The following FAM171A2 variants were observed in gnomAD, a reference collection of about 807,000 sequenced individuals.
FAM171A2 encodes the protein family with sequence similarity 171 member A2.
A neutral mutation model predicts 34.2 loss-of-function variants in FAM171A2; 13 were observed. The observed-to-expected ratio is 0.38, with a 90% CI of 0.25 to 0.60. The LOEUF (loss-of-function observed/expected upper bound fraction) is 0.60. Among genes scored for constraint, FAM171A2 ranks in the 20% least tolerant of loss-of-function variants. The probability of loss-of-function intolerance (pLI) is 0.62; values close to 1 mark genes in which losing one functional copy is unlikely to be tolerated. For missense variants in FAM171A2, 950 were observed against 1,180.7 expected (o/e 0.80, Z 2.86); for synonymous variants, 475 against 561.2 (o/e 0.85, Z 2.17).
Position 44,356,184 on chromosome 17 carries a change from T to G in FAM171A2, c.767A>C (p.Asp256Ala). 3 of 1,547,118 alleles carry G rather than the reference T, an allele frequency of 1.9e-6. No individual in the cohort carries two copies. The highest frequency in any genetic ancestry group is 1.4e-5 in the African/African-American group (1 of 72,980). Residue 256 changes from aspartate (D) to alanine (A), a missense_variant, in exon 5 of 8, where the codon GAC (aspartate) becomes GCC (alanine). Asp to Ala is a moderately radical substitution (Grantham distance 126). Transcript: ENST00000293443. ...VGTSIPAWRF[D>A]PKSGLWVRNG... ...CCTGAGGCACTTACCACTCTTGGGG[T>G]CAAATCTCCAGGCTGGAATGCTGGT...
rs2048415552 is a variant in FAM171A2, at chr17:44,355,039, G to C, written c.1175C>G (p.Ala392Gly). ...CGAGTGGAGGGGGCCTGGAGGCGGA[G>C]CCTCGGGGTCCCCCGACGGGGCGGG... ...LEPAPSGDPE[A>G]PPPGPLHSAF... The change falls in exon 8 of 8, where the codon GCT (alanine) becomes GGT (glycine). Residue 392 changes from alanine to glycine, a missense_variant. Physicochemically the swap from Ala to Gly is moderately conservative, Grantham distance 60 (BLOSUM62 0). Around this residue, in one of 3 missense-constraint regions of FAM171A2, gnomAD observed 752 missense variants for 924.5 expected, o/e 0.81. Transcript: ENST00000293443. This position sits in a 1 kb window ranked among gnomAD's most constrained non-coding sequence, Gnocchi z 4.1. 1 of 1,538,278 alleles carries C rather than the reference G, an allele frequency of 6.5e-7. No individual in the cohort carries two copies. Among genetic ancestry groups the C allele is most frequent in the African/African-American group, 1.4e-5 (1 of 72,602 alleles).
chr17:44,358,608 T>C (rs1330920696), intron 3 of FAM171A2, among the ~76,000 whole-genome samples: 1 of 151,966 alleles, frequency 6.6e-6, no homozygotes, highest in African/African-American at 2.4e-5. Context: ...GGAGAATCCC[T>C]TGAACCCAGA....
rs2048415104 is a variant in FAM171A2 at position 44,355,005 on chromosome 17, G to A, written c.1209C>T (p.Ser403=). Residue 403 remains serine (S), a synonymous_variant, in exon 8 of 8, where the codon TCC becomes TCT. Coordinates refer to ENST00000293443, the MANE Select transcript of FAM171A2 (RefSeq NM_198475.3). This position sits in a 1 kb window ranked among gnomAD's most constrained non-coding sequence, Gnocchi z 4.1. The part of the protein sequence containing the change: ...PPPGPLHSAF[S]SSRDLASSRD... ...GGGAGGAGGCCAAGTCCCGGGAGCT[G>A]GAGAAGGCCGAGTGGAGGGGGCCTG... is the stretch of plus-strand genomic sequence containing the variant. The A allele has an allele frequency of 6.6e-7, 1 of 1,511,204 alleles. No individual in the cohort carries two copies. The highest frequency in any genetic ancestry group is 8.8e-7 in the Non-Finnish European group (1 of 1,130,526). The allele number at this position is 1,511,204 out of a possible 1,614,324, so 93.6% of individuals were successfully genotyped here.
Position 44,355,813 on chromosome 17 carries a change from C to G in FAM171A2, c.924G>C (p.Gln308His), listed in dbSNP as rs368872547. The G allele has an allele frequency of 5.2e-6, 8 of 1,551,762 alleles. No homozygotes were observed. In the African/African-American group the frequency reaches 8.2e-5, roughly 16 times the overall value. ...AGATGGTGTGGTAGGTGCCGATGTC[C>G]TGGATGCCCGACGTGATGGTGACCA... ...AGLVTITSGI[Q>H]DIGTYHTIFL... Residue 308 changes from glutamine (Q) to histidine (H), a missense_variant, in exon 7 of 8, where the codon CAG (glutamine) becomes CAC (histidine). Transcript: ENST00000293443. This position sits in a 1 kb window ranked among gnomAD's most constrained non-coding sequence, Gnocchi z 4.1.
chr17:44,359,760 ACCCT>A (rs921005402), intron 2 of FAM171A2, 89 bp from the exon 3 acceptor site: 32 of 1,142,406 alleles, frequency 2.8e-5, no homozygotes, highest in Non-Finnish European at 3.4e-5. Flanking sequence ...CAGAGGCTTC[ACCCT>A]CCCTCAGCCC....
At chr17:44,360,874 C>T (rs2048445179) in intron 1 of FAM171A2, among the ~76,000 whole-genome samples, 1 of 152,204 alleles carries the variant, frequency 6.6e-6, no homozygotes, top group African/African-American at 2.4e-5. Flanking sequence ...GGACTCACCC[C>T]AACCCCATGC....
Position 44,355,750 on chromosome 17 carries a change from C to A in FAM171A2, c.987G>T (p.Val329=), listed in dbSNP as rs1333841041. 8.4e-6 allele frequency: 13 copies of A among 1,551,840 alleles called. No homozygotes were observed. The highest frequency in any genetic ancestry group is 1.1e-5 in the Non-Finnish European group (13 of 1,147,060). Residue 329 remains valine, a synonymous_variant, in exon 7 of 8, where the codon GTG becomes GTT. Transcript: ENST00000293443. The surrounding 1 kb of genome is among the most constrained non-coding windows in gnomAD (Gnocchi z 4.1). ...AGATGAGCAGACACAGCAGGATAAG[C>A]ACCAGCAGGGCCAGGGCTGCCAGGA... ...LTILAALALL[V]LILLCLLIYY...
intron 1 of FAM171A2, among the ~76,000 whole-genome samples, chr17:44,361,523 G>A (rs2048447836): frequency 6.6e-6 from 1 of 152,120 alleles, no homozygotes; most frequent in Admixed American, 6.5e-5. Flanking sequence ...GCAGTGACAG[G>A]TGTCTTAGCT....
At position 44,359,920 on chromosome 17, in the gene FAM171A2, C is replaced by G. The variant is rs1487438998; in HGVS notation, c.331G>C (p.Val111Leu). 2 of 1,540,078 alleles carry G rather than the reference C, an allele frequency of 1.3e-6. No individual in the cohort carries two copies. Among genetic ancestry groups the G allele is most frequent in the South Asian group, 2.4e-5 (2 of 82,666 alleles). ...GFLTNSVPWR[V>L]DKLPLYASVS... ...CTGCACTCACAGGGCAGCTTGTCAACACGCCAGGGCACAGAGTTGGTGAGG... is the reference window on the plus strand; with the variant it reads ...CTGCACTCACAGGGCAGCTTGTCAAGACGCCAGGGCACAGAGTTGGTGAGG... The change falls in exon 2 of 8, where the codon GTT becomes CTT. Residue 111 changes from valine (V) to leucine (L), a missense_variant. By Grantham distance (32) the Val-to-Leu change is conservative. Coordinates refer to ENST00000293443, the MANE Select transcript of FAM171A2 (RefSeq NM_198475.3).
rs191407521 is a variant in FAM171A2, at chr17:44,359,108, G to A, written c.439+471C>T. 5.4e-3 allele frequency: 856 copies of A among 159,986 alleles called. 3 individuals carry two copies. Among genetic ancestry groups the A allele is most frequent in the Non-Finnish European group, 7.7e-3 (561 of 72,926 alleles). 9.9% of individuals were successfully genotyped at this position (159,986 alleles called of 1,614,324 possible). A position where few individuals can be genotyped will look rare whatever the true frequency, so the allele number is the denominator to read the frequency against. ...CAAAGAGCGGGTCTTCTTCCTCACC[G>A]TGGTTCCCAGCACCAGCCACAATGC... On this transcript the variant is annotated intron_variant, in intron 3 of 7. Coordinates refer to ENST00000293443, the MANE Select transcript of FAM171A2 (RefSeq NM_198475.3).
chr17:44,360,275 T>A, intron 1 of FAM171A2, 143 bp from the exon 2 acceptor site: 1 of 667,426 alleles, frequency 1.5e-6, no homozygotes, highest in Non-Finnish European at 2.5e-6. Context: ...AGACCCAGCA[T>A]TCACAGAGCA....
At chr17:44,358,622 C>G (rs1328014641) in intron 3 of FAM171A2, among the ~76,000 whole-genome samples, 1 of 151,930 alleles carries the variant, frequency 6.6e-6, no homozygotes, top group Non-Finnish European at 1.5e-5. Flanking sequence ...ACCCAGAAAG[C>G]AAAGGTTGCA....
chr17:44,355,640 G>A lies in FAM171A2; in HGVS notation c.1022+75C>T. ...CCTGTCTGCCCCTTGAGGACCAGAA[G>A]TGGATTTTATGCATCTTTGGGGCCC... On this transcript the variant is annotated intron_variant, in intron 7 of 7. Coordinates refer to ENST00000293443, the MANE Select transcript of FAM171A2 (RefSeq NM_198475.3). This position sits in a 1 kb window ranked among gnomAD's most constrained non-coding sequence, Gnocchi z 4.1. 1 of 1,536,236 alleles carries A rather than the reference G, an allele frequency of 6.5e-7. No individual in the cohort carries two copies. The highest frequency in any genetic ancestry group is 8.8e-7 in the Non-Finnish European group (1 of 1,136,576).
At position 44,355,851 on chromosome 17, in the gene FAM171A2, G is replaced by A. The variant is rs2048420440; in HGVS notation, c.896-10C>T. 6.4e-7 allele frequency: 1 copy of A among 1,551,602 alleles called. No homozygotes were observed. The stretch of plus-strand genomic sequence containing the variant: ...GTGATGGTGACCAGCCCTGTGCCAG[G>A]CGAGGGCTTAGCGTTCAGGTGTAGA... On this transcript the variant is annotated splice_polypyrimidine_tract_variant and intron_variant, in intron 6 of 7. Transcript: ENST00000293443. This position sits in a 1 kb window ranked among gnomAD's most constrained non-coding sequence, Gnocchi z 4.1.
At position 44,355,884 on chromosome 17, in the gene FAM171A2, C is replaced by T. The variant is rs2048420635; in HGVS notation, c.896-43G>A. ...TTAGCGTTCAGGTGTAGACACCCTT[C>T]CTGCCTTTCAGAAGTCTGCTCTCCC... is the stretch of plus-strand genomic sequence containing the variant. On this transcript the variant is annotated intron_variant, in intron 6 of 7. Transcript: ENST00000293443. This position sits in a 1 kb window ranked among gnomAD's most constrained non-coding sequence, Gnocchi z 4.1. 6.5e-7 allele frequency: 1 copy of T among 1,549,944 alleles called. No homozygotes were observed. Among genetic ancestry groups the T allele is most frequent in the Non-Finnish European group, 8.7e-7 (1 of 1,145,796 alleles).
Position 44,353,629 on chromosome 17 carries a change from G to T in FAM171A2, c.*104C>A. On this transcript the variant is annotated 3_prime_UTR_variant, in exon 8 of 8. Transcript: ENST00000293443. Reference sequence around the variant, plus strand: ...TCCAAGGCCCCTGGGCCCCTCTCCGGCCTGGGGCTGGGAGCTACGCGCGAG... The same window carrying T: ...TCCAAGGCCCCTGGGCCCCTCTCCGTCCTGGGGCTGGGAGCTACGCGCGAG... 1.1e-6 allele frequency: 1 copy of T among 923,100 alleles called. No individual in the cohort carries two copies. Among genetic ancestry groups the T allele is most frequent in the Non-Finnish European group, 1.4e-6 (1 of 723,186 alleles). The allele number at this position is 923,100 out of a possible 1,614,324, so 57.2% of individuals were successfully genotyped here.
At position 44,359,689 on chromosome 17, in the gene FAM171A2, G is replaced by C. The variant is rs371367102; in HGVS notation, c.347-18C>G. The C allele has an allele frequency of 6.5e-7, 1 of 1,547,340 alleles. No homozygotes were observed. Among genetic ancestry groups the C allele is most frequent in the Non-Finnish European group, 8.7e-7 (1 of 1,145,078 alleles). ...CGCATACACTGCGGGAGGGATGGCC[G>C]GTCAGCTCCAGGAAAACCCACCCCC... On this transcript the variant is annotated intron_variant, in intron 2 of 7. Transcript: ENST00000293443.
Position 44,354,690 on chromosome 17 carries a change from C to T in FAM171A2, c.1524G>A (p.Ala508=). 7.5e-7 allele frequency: 1 copy of T among 1,334,164 alleles called. No homozygotes were observed. Among genetic ancestry groups the T allele is most frequent in the Non-Finnish European group, 9.6e-7 (1 of 1,040,640 alleles). The allele number at this position is 1,334,164 out of a possible 1,614,324, so 82.6% of individuals were successfully genotyped here. A position where few individuals can be genotyped will look rare whatever the true frequency, so the allele number is the denominator to read the frequency against. ...CCGCCTGGCCCAGCGACGGCGGCCG[C>T]GCCAGCTGGTCCACCGACTGCGACA... ...FLLSQSVDQL[A]RPPSLGQAGQ... is the part of the protein sequence containing the mutation. Residue 508 remains alanine (A), a synonymous_variant, in exon 8 of 8, where the codon GCG becomes GCA. Transcript: ENST00000293443. The surrounding 1 kb of genome is among the most constrained non-coding windows in gnomAD (Gnocchi z 5.8).
In FAM171A2 at chr17:44,355,963, G is replaced by T; in HGVS notation, c.890C>A (p.Thr297Lys). The T allele has an allele frequency of 6.5e-7, 1 of 1,540,934 alleles. No individual in the cohort carries two copies. The highest frequency in any genetic ancestry group is 8.8e-7 in the Non-Finnish European group (1 of 1,140,960). The change falls in exon 6 of 8, where the codon ACG becomes AAG. Residue 297 changes from threonine to lysine, a missense_variant. Coordinates refer to ENST00000293443, the MANE Select transcript of FAM171A2 (RefSeq NM_198475.3). The surrounding 1 kb of genome is among the most constrained non-coding windows in gnomAD (Gnocchi z 4.1). ...GYWVAAMASPTAGLVTITSGI... is the reference protein window; with the variant it reads ...GYWVAAMASPKAGLVTITSGI... ...CACTGCCCCACTACTCTTACCAGCC[G>T]TGGGGGAGGCCATGGCGGCCACCCA... is the stretch of plus-strand genomic sequence containing the variant.
Sources: gnomAD v4.1 joint callset for allele counts (sites outside exome capture counted in the v4.1 genomes callset) on GRCh38, gnomAD v4.1.1 for gene constraint, gnomAD v4.1.1 regional missense constraint, Gnocchi (gnomAD v3.1) non-coding constraint, MANE v1.5 for transcripts, NCBI Gene and HGNC (gene_info 2026-07-23, HGNC 2026-07-21) for gene names.